The following RIN3 variants were observed in gnomAD, a reference collection of about 807,000 sequenced individuals.
The protein encoded by RIN3 is Ras and Rab interactor 3.
Under a neutral mutation model 76.3 loss-of-function variants are expected in RIN3, and 54 were observed. That is an observed-to-expected ratio of 0.71 (90% CI 0.57 to 0.89). The LOEUF is 0.89. RIN3 is among the 40% of genes least tolerant of loss of function. The pLI is 0.00. For missense variants in RIN3, 1,256 were observed against 1,322.1 expected (o/e 0.95, Z 0.78); for synonymous variants, 576 against 564.0 (o/e 1.02, Z -0.30).
intron 2 of RIN3, among the ~76,000 whole-genome samples, chr14:92,569,606 T>C (rs1319012274): frequency 6.6e-6 from 1 of 151,734 alleles, no homozygotes; most frequent in African/African-American, 2.4e-5. Context: ...CTTTCTCTCT[T>C]GGAATGTGAG....
At chr14:92,624,682 A>G (rs1219067646) in intron 4 of RIN3, among the ~76,000 whole-genome samples, 1 of 152,176 alleles carries the variant, frequency 6.6e-6, no homozygotes. Flanking sequence ...CATCGAAGGT[A>G]ATGGTCTGGG....
At chr14:92,592,642 GTATTAT>G (rs143659950) in intron 3 of RIN3, among the ~76,000 whole-genome samples, 23,731 of 134,302 alleles carry the variant, frequency 0.18, 2,255 homozygotes, top group Middle Eastern at 0.22. Flanking sequence ...TTTAAATTTT[GTATTAT>G]TATTATTATT....
chr14:92,556,317 G>A (rs1047727261), intron 2 of RIN3, among the ~76,000 whole-genome samples: 1 of 151,628 alleles, frequency 6.6e-6, no homozygotes, highest in African/African-American at 2.4e-5. Flanking sequence ...AGGGTCCAGA[G>A]AGTGTCAATC....
In RIN3 at chr14:92,561,042, A is replaced by ATATATAT. The variant is rs1461986249; in HGVS notation, c.249+5087_249+5088insTATATAT. Among the ~76,000 whole-genome samples, 20 of 19,370 alleles carry ATATATAT rather than the reference A, an allele frequency of 1.0e-3. 1 individual carries two copies. Among genetic ancestry groups the ATATATAT allele is most frequent in the African/African-American group, 3.0e-3 (18 of 5,986 alleles). The allele number at this position is 19,370 out of a possible 152,430, so 12.7% of individuals were successfully genotyped here. ...GTCTAAAAAAAAAAAAAAAAAAAAA[A>ATATATAT]AAATATATATATATCTGCCATATAT... On this transcript the variant is annotated intron_variant, in intron 2 of 9. Coordinates refer to ENST00000216487, the MANE Select transcript of RIN3 (RefSeq NM_024832.5).
intron 1 of RIN3, among the ~76,000 whole-genome samples, chr14:92,525,082 G>A (rs1215859897): frequency 6.6e-6 from 1 of 152,222 alleles, no homozygotes; most frequent in Non-Finnish European, 1.5e-5. Context: ...GCAAAGCTGG[G>A]TAGGGGCTGA....
chr14:92,665,004 C>T (rs1888035407), intron 7 of RIN3, among the ~76,000 whole-genome samples: 1 of 152,204 alleles, frequency 6.6e-6, no homozygotes, highest in Non-Finnish European at 1.5e-5. Context: ...TGGAATATCT[C>T]ATATCTGTGG....
intron 2 of RIN3, 121 bp downstream of exon 2, chr14:92,556,076 T>G (rs1344613478): frequency 8.7e-6 from 7 of 803,866 alleles, no homozygotes; most frequent in Non-Finnish European, 1.4e-5. Context: ...CATGTTTATT[T>G]CCCTTTCCTA....
intron 1 of RIN3, 25 bp from the exon 2 acceptor site, chr14:92,555,726 C>G: frequency 1.2e-6 from 2 of 1,611,788 alleles, no homozygotes; most frequent in South Asian, 2.2e-5. Flanking sequence ...TGCAGGATAG[C>G]TGATCATTGA....
intron 1 of RIN3, among the ~76,000 whole-genome samples, chr14:92,529,884 G>A (rs561130691): frequency 7.0e-4 from 107 of 152,294 alleles, no homozygotes; most frequent in East Asian, 1.9e-3. Context: ...GTTGCTGTGA[G>A]TTCAGTGTCA....
intron 2 of RIN3, among the ~76,000 whole-genome samples, chr14:92,570,046 G>A (rs777441654): frequency 6.6e-6 from 1 of 152,236 alleles, no homozygotes; most frequent in Non-Finnish European, 1.5e-5. Flanking sequence ...ACCTAAAGAT[G>A]GGGCAGCCCT....
intron 3 of RIN3, among the ~76,000 whole-genome samples, chr14:92,610,027 C>A (rs1420726214): frequency 2.0e-5 from 3 of 151,354 alleles, no homozygotes. Flanking sequence ...AAGGCGCTGG[C>A]AGAAAAAAAA....
At chr14:92,661,756 C>CA (rs1195736886) in intron 7 of RIN3, among the ~76,000 whole-genome samples, 7 of 118,716 alleles carry the variant, frequency 5.9e-5, no homozygotes, top group East Asian at 2.4e-4. Context: ...CACACACACA[C>CA]ACAAAAAATA....
chr14:92,589,788 A>G (rs1160336144), intron 3 of RIN3, among the ~76,000 whole-genome samples: 2 of 152,194 alleles, frequency 1.3e-5, no homozygotes, highest in Non-Finnish European at 2.9e-5. Context: ...GGTGTTCAGG[A>G]TTAGAAAACC....
At chr14:92,621,933 T>C (rs767290052) in intron 4 of RIN3, among the ~76,000 whole-genome samples, 3 of 152,218 alleles carry the variant, frequency 2.0e-5, no homozygotes, top group Admixed American at 2.0e-4. Flanking sequence ...ATGAAGGCTA[T>C]GAACCAAAAT....
At chr14:92,673,739 CA>C (rs1196488904) in intron 7 of RIN3, among the ~76,000 whole-genome samples, 5 of 152,220 alleles carry the variant, frequency 3.3e-5, no homozygotes, top group Non-Finnish European at 7.3e-5. Flanking sequence ...CTCCTGACCT[CA>C]GGTGATCCGC....
At chr14:92,526,622 G>C (rs917657398) in intron 1 of RIN3, among the ~76,000 whole-genome samples, 3 of 152,122 alleles carry the variant, frequency 2.0e-5, no homozygotes, top group Non-Finnish European at 4.4e-5. Flanking sequence ...GCGTGGTGGC[G>C]TGTGCCTGTA....
intron 1 of RIN3, among the ~76,000 whole-genome samples, chr14:92,519,892 T>G (rs1282473698): frequency 6.6e-6 from 1 of 152,198 alleles, no homozygotes; most frequent in Non-Finnish European, 1.5e-5. Context: ...TTACTATCTG[T>G]GTGGTGTCAG....
At chr14:92,536,353 G>A (rs368856038) in intron 1 of RIN3, among the ~76,000 whole-genome samples, 4 of 152,044 alleles carry the variant, frequency 2.6e-5, no homozygotes, top group East Asian at 1.9e-4. Context: ...CTCTCCATTC[G>A]CCTATTGTGT....
At chr14:92,605,978 T>C (rs1239610606) in intron 3 of RIN3, among the ~76,000 whole-genome samples, 1 of 152,146 alleles carries the variant, frequency 6.6e-6, no homozygotes, top group Admixed American at 6.5e-5. Flanking sequence ...AGCACTATTT[T>C]ATTCTTAAAT....
Sources: gnomAD v4.1 joint callset for allele counts (sites outside exome capture counted in the v4.1 genomes callset) on GRCh38, gnomAD v4.1.1 for gene constraint, MANE v1.5 for transcripts, NCBI Gene and HGNC (gene_info 2026-07-23, HGNC 2026-07-21) for gene names.